The following ARMC9 variants were observed in gnomAD, a reference collection of about 807,000 sequenced individuals.
The protein encoded by ARMC9 is armadillo repeat containing 9, also known as lisH domain-containing protein ARMC9.
A neutral mutation model predicts 107.0 loss-of-function variants in ARMC9; 94 were observed. The observed-to-expected ratio is 0.88, with a 90% CI of 0.74 to 1.04. The LOEUF is 1.04. ARMC9 is among the 50% of genes least tolerant of loss of function. The pLI, the probability that ARMC9 is intolerant of heterozygous loss-of-function variation, is 0.00. For synonymous variants in ARMC9, 380 were observed against 396.9 expected, an observed-to-expected ratio of 0.96 and a Z score of 0.51; for missense variants, 942 against 1,030.1, an observed-to-expected ratio of 0.91 and a Z score of 1.17.
At chr2:231,210,319 G>C (rs1004898955) in intron 3 of ARMC9, among the ~76,000 whole-genome samples, 6 of 152,172 alleles carry the variant, frequency 3.9e-5, no homozygotes, top group African/African-American at 1.2e-4. Flanking sequence ...CACCTAGAAC[G>C]ATATGTTCAG....
Position 231,296,261 on chromosome 2 carries a change from G to A in ARMC9, c.1773+8G>A, listed in dbSNP as rs778834755. 9.3e-6 allele frequency: 15 copies of A among 1,611,124 alleles called. No homozygotes were observed. Among genetic ancestry groups the A allele is most frequent in the Non-Finnish European group, 8.5e-7 (1 of 1,178,072 alleles). ...GAAGATGAAGATGATGAAGTAAGTT[G>A]GAGGTTCTTGACACCACATAGAAAA... On this transcript the variant is annotated splice_region_variant and intron_variant, in intron 19 of 24. Transcript: ENST00000611582.
intron 7 of ARMC9, 65 bp downstream of exon 7, chr2:231,226,863 A>C: frequency 1.3e-6 from 2 of 1,529,068 alleles, no homozygotes; most frequent in Non-Finnish European, 1.8e-6. Context: ...AAGTAGTAAG[A>C]TCGGTGCAAA....
intron 19 of ARMC9, among the ~76,000 whole-genome samples, chr2:231,326,241 G>A (rs1348686212): frequency 1.3e-5 from 2 of 152,236 alleles, no homozygotes; most frequent in African/African-American, 2.4e-5. Context: ...GGCTACTGCT[G>A]TGGATTTGTC....
intron 19 of ARMC9, among the ~76,000 whole-genome samples, chr2:231,325,616 C>T (rs986099089): frequency 3.3e-5 from 5 of 152,158 alleles, no homozygotes; most frequent in Non-Finnish European, 5.9e-5. Flanking sequence ...CTCACTCAGA[C>T]CACAGAGCTG....
chr2:231,364,204 G>A (rs1462814511), intron 23 of ARMC9, among the ~76,000 whole-genome samples: 1 of 152,208 alleles, frequency 6.6e-6, no homozygotes, highest in Non-Finnish European at 1.5e-5. Flanking sequence ...GCATGGCCCT[G>A]CCACTCCAGA....
chr2:231,330,142 G>T (rs561630384), intron 19 of ARMC9, among the ~76,000 whole-genome samples: 2 of 151,962 alleles, frequency 1.3e-5, no homozygotes, highest in African/African-American at 4.8e-5. Flanking sequence ...CATACAATGT[G>T]GACTACTATA....
chr2:231,231,740 G>A (rs2035242631), intron 7 of ARMC9, among the ~76,000 whole-genome samples: 1 of 151,694 alleles, frequency 6.6e-6, no homozygotes, highest in South Asian at 2.1e-4. Context: ...CCAGCATGGA[G>A]TGCAGTGGCG....
chr2:231,356,021 C>T (rs1223480115), intron 22 of ARMC9, 87 bp downstream of exon 22: 11 of 1,448,276 alleles, frequency 7.6e-6, no homozygotes, highest in South Asian at 1.4e-5. Flanking sequence ...GGCAGACGCA[C>T]GTCTGCTCCT....
At chr2:231,288,446 T>A (rs924046927) in intron 17 of ARMC9, among the ~76,000 whole-genome samples, 1 of 152,220 alleles carries the variant, frequency 6.6e-6, no homozygotes, top group Non-Finnish European at 1.5e-5. Flanking sequence ...TATATCTACC[T>A]GAAATAGATA....
intron 21 of ARMC9, among the ~76,000 whole-genome samples, chr2:231,352,738 T>C (rs2045154464): frequency 7.1e-6 from 1 of 140,622 alleles, no homozygotes; most frequent in Non-Finnish European, 1.5e-5. Flanking sequence ...GGATAGAAGA[T>C]AGGTAGGTAG....
chr2:231,357,906 A>G (rs990250507), intron 22 of ARMC9, among the ~76,000 whole-genome samples: 1 of 152,160 alleles, frequency 6.6e-6, no homozygotes, highest in Admixed American at 6.5e-5. Context: ...TACTTGACAA[A>G]AAGTTCTTCC....
chr2:231,212,807 A>C (rs1203484155), intron 3 of ARMC9, among the ~76,000 whole-genome samples: 27 of 152,168 alleles, frequency 1.8e-4, no homozygotes, highest in Non-Finnish European at 1.5e-5. Context: ...GCGCTAACAC[A>C]CTGTCCCTCG....
At chr2:231,245,225 G>A (rs1377000040) in intron 9 of ARMC9, among the ~76,000 whole-genome samples, 1 of 152,214 alleles carries the variant, frequency 6.6e-6, no homozygotes, top group East Asian at 1.9e-4. Flanking sequence ...GGCTTGCTGG[G>A]ATATGGGAGA....
chr2:231,315,079 A>T (rs907732542), intron 19 of ARMC9, among the ~76,000 whole-genome samples: 52 of 151,956 alleles, frequency 3.4e-4, no homozygotes, highest in African/African-American at 1.1e-3. Context: ...TCTCTATTAA[A>T]CATACGAAAA....
rs1575151113 is a variant in ARMC9, at chr2:231,345,008, G to T, written c.1912G>T (p.Gly638Trp). Residue 638 changes from glycine to tryptophan, a missense_variant, in exon 21 of 25, where the codon GGG (glycine) becomes TGG (tryptophan). Gly to Trp is a radical substitution (Grantham distance 184). Transcript: ENST00000611582. Reference sequence around the variant, plus strand: ...CAACACGGGGAAGACAAGGCGGAAGGGGCTGGCTAATGTGCAGTGGAGCGG... The same window carrying T: ...CAACACGGGGAAGACAAGGCGGAAGTGGCTGGCTAATGTGCAGTGGAGCGG... ...MTNTGKTRRK[G>W]LANVQWSGDE... 6.2e-7 allele frequency: 1 copy of T among 1,614,060 alleles called. No individual in the cohort carries two copies. The highest frequency in any genetic ancestry group is 1.1e-5 in the South Asian group (1 of 91,062).
intron 7 of ARMC9, among the ~76,000 whole-genome samples, chr2:231,232,636 A>C (rs2035339601): frequency 6.6e-6 from 1 of 151,728 alleles, no homozygotes; most frequent in Non-Finnish European, 1.5e-5. Flanking sequence ...TTTTTAGTGG[A>C]GATGGAGTTT....
chr2:231,250,362 G>A lies in ARMC9; in HGVS notation c.880-6224G>A, dbSNP rs147499001. On this transcript the variant is annotated intron_variant, in intron 9 of 24. Transcript: ENST00000611582. ...CATTCTTGGCCGTCCTCCATTAGATGCCAGTAGCACTACTCCCGCTATTAA... is the reference window on the plus strand; with the variant it reads ...CATTCTTGGCCGTCCTCCATTAGATACCAGTAGCACTACTCCCGCTATTAA... Among the ~76,000 whole-genome samples, 50 of 152,286 alleles carry A rather than the reference G, an allele frequency of 3.3e-4. 2 individuals carry two copies. Among genetic ancestry groups the A allele is most frequent in the African/African-American group, 1.2e-3 (49 of 41,560 alleles).
chr2:231,216,614 A>G (rs774462365), intron 4 of ARMC9, 24 bp from the exon 5 acceptor site: 4 of 1,609,860 alleles, frequency 2.5e-6, no homozygotes, highest in East Asian at 4.5e-5. Flanking sequence ...GGAGACCTCA[A>G]ACAAGTGTTT....
At chr2:231,289,728 A>G (rs969462113) in intron 17 of ARMC9, among the ~76,000 whole-genome samples, 2 of 152,136 alleles carry the variant, frequency 1.3e-5, no homozygotes, top group East Asian at 1.9e-4. Flanking sequence ...TGGTCCCTCA[A>G]CTCATGGACA....
Sources: allele counts gnomAD v4.1 joint callset (sites outside exome capture counted in the v4.1 genomes callset), GRCh38; gene constraint gnomAD v4.1.1; transcripts MANE v1.5; gene names NCBI Gene and HGNC (gene_info 2026-07-23, HGNC 2026-07-21).